The following AK1 variants were observed in gnomAD, a reference collection of about 807,000 sequenced individuals.
AK1 encodes the protein adenylate kinase isoenzyme 1.
Under a neutral mutation model 23.9 loss-of-function variants are expected in AK1, and 13 were observed. The ratio of observed to expected loss-of-function variants is 0.54; its 90% CI spans 0.35 to 0.86. AK1 has a LOEUF of 0.86. AK1 is among the 40% of genes least tolerant of loss of function. AK1 has a pLI of 0.01. For missense variants in AK1, 214 were observed against 255.1 expected (o/e 0.84, Z 1.10); for synonymous variants, 97 against 102.8 (o/e 0.94, Z 0.34).
intron 3 of AK1, 75 bp downstream of exon 3, chr9:127,872,951 G>T: frequency 6.2e-7 from 1 of 1,613,266 alleles, no homozygotes; most frequent in Non-Finnish European, 8.5e-7. Context: ...AGAGCCCAGG[G>T]TGCAGCCCCA....
In AK1 at chr9:127,872,206, G is replaced by A. The variant is rs111270104; in HGVS notation, c.208-267C>T. 6.3e-3 allele frequency among the ~76,000 whole-genome samples: 963 copies of A among 152,312 alleles called. 6 individuals carry two copies. Among genetic ancestry groups the A allele is most frequent in the Non-Finnish European group, 0.01 (688 of 68,028 alleles). On this transcript the variant is annotated intron_variant, in intron 4 of 6. Coordinates refer to ENST00000644144, the MANE Select transcript of AK1 (RefSeq NM_000476.3). Reference sequence around the variant, plus strand: ...CCTGGGTCCCGAGGACACGGCCATGGACCAATTAGGCCTTCCCTGCCCTGG... The same window carrying A: ...CCTGGGTCCCGAGGACACGGCCATGAACCAATTAGGCCTTCCCTGCCCTGG...
At position 127,871,500 on chromosome 9, in the gene AK1, G is replaced by A. The variant is rs1564472601; in HGVS notation, c.324+323C>T. Among the ~76,000 whole-genome samples the A allele has an allele frequency of 6.6e-6, 1 of 151,558 alleles. No homozygotes were observed. Among genetic ancestry groups the A allele is most frequent in the Non-Finnish European group, 1.5e-5 (1 of 68,022 alleles). On this transcript the variant is annotated intron_variant, in intron 5 of 6. Coordinates refer to ENST00000644144, the MANE Select transcript of AK1 (RefSeq NM_000476.3). This position sits in a 1 kb window ranked among gnomAD's most constrained non-coding sequence, Gnocchi z 4.4. ...CCCCACACTGTCCCTTAAGGCAGCT[G>A]TGACCTGGTCCTCCCACTCCCTGCA... is the stretch of plus-strand genomic sequence containing the variant.
At position 127,868,814 on chromosome 9, in the gene AK1, T is replaced by C. The variant is rs1261389027; in HGVS notation, c.325-302A>G. Among the ~76,000 whole-genome samples the C allele has an allele frequency of 6.6e-6, 1 of 152,156 alleles. No homozygotes were observed. Among genetic ancestry groups the C allele is most frequent in the Non-Finnish European group, 1.5e-5 (1 of 68,020 alleles). Reference sequence around the variant, plus strand: ...CCATGCCAGACCTGTGCTCATGCTGTTCCCTCTGCTAGGAGCCCTCTCCCC... The same window carrying C: ...CCATGCCAGACCTGTGCTCATGCTGCTCCCTCTGCTAGGAGCCCTCTCCCC... On this transcript the variant is annotated intron_variant, in intron 5 of 6. Coordinates refer to ENST00000644144, the MANE Select transcript of AK1 (RefSeq NM_000476.3). This position sits in a 1 kb window ranked among gnomAD's most constrained non-coding sequence, Gnocchi z 4.1.
Position 127,868,558 on chromosome 9 carries a change from G to C in AK1, c.325-46C>G. 6.5e-7 allele frequency: 1 copy of C among 1,546,036 alleles called. No individual in the cohort carries two copies. Among genetic ancestry groups the C allele is most frequent in the African/African-American group, 1.4e-5 (1 of 73,084 alleles). On this transcript the variant is annotated intron_variant, in intron 5 of 6. Coordinates refer to ENST00000644144, the MANE Select transcript of AK1 (RefSeq NM_000476.3). The surrounding 1 kb of genome is among the most constrained non-coding windows in gnomAD (Gnocchi z 4.1). ...ACAGGGACCCCATTCCTGCCCCCTA[G>C]GGCCATCTCCTCCCCATCTTCCCAT...
At chr9:127,870,664 G>C (rs1186642618) in intron 5 of AK1, among the ~76,000 whole-genome samples, 1 of 152,184 alleles carries the variant, frequency 6.6e-6, no homozygotes, top group Non-Finnish European at 1.5e-5. Flanking sequence ...ATTTCAGATA[G>C]GGAAGGTGAG....
Position 127,873,223 on chromosome 9 carries a change from A to T in AK1, c.8-162T>A, listed in dbSNP as rs1218345242. Reference sequence around the variant, plus strand: ...AAGTCACAGCCCAGAGTCAGCAGGGATGTGAGTGAGCTCGGAGCCTGGGAG... The same window carrying T: ...AAGTCACAGCCCAGAGTCAGCAGGGTTGTGAGTGAGCTCGGAGCCTGGGAG... On this transcript the variant is annotated intron_variant, in intron 2 of 6. Transcript: ENST00000644144. 9.1e-6 allele frequency: 14 copies of T among 1,537,904 alleles called. No homozygotes were observed. The African/African-American group carries it at 1.9e-4, about 21-fold the overall frequency.
At chr9:127,877,878 GGCT>G (rs1162590760), upstream of AK1, 1 of 151,966 alleles carries the variant, frequency 6.6e-6, no homozygotes, top group African/African-American at 2.4e-5. The surrounding 1 kb of genome is among the most constrained non-coding windows in gnomAD (Gnocchi z 5.2). Context: ...ACCCCCAGGT[GGCT>G]GTGCCCACAC....
intron 1 of AK1, chr9:127,874,970 G>T (rs1321484577): frequency 2.8e-6 from 1 of 363,278 alleles, no homozygotes; most frequent in Admixed American, 3.7e-5. Flanking sequence ...CATAAACAGC[G>T]GCCACACAAC....
chr9:127,872,930 G>C (rs944598621), intron 3 of AK1, 77 bp from the exon 4 acceptor site: 50 of 1,612,944 alleles, frequency 3.1e-5, no homozygotes, highest in Non-Finnish European at 4.1e-5. Context: ...GTCTCCCAGA[G>C]AGGGAGGGGC....
At chr9:127,874,999 G>A (rs1276121787) in intron 1 of AK1, 12 of 286,336 alleles carry the variant, frequency 4.2e-5, no homozygotes, top group South Asian at 3.8e-5. Context: ...TGCTCCCCTC[G>A]AAACTCCCAG....
At position 127,872,726 on chromosome 9, in the gene AK1, CA is replaced by C. The variant is rs1829443462; in HGVS notation, c.170del (p.Leu57ArgfsTer35). 1 of 1,614,080 alleles carries C rather than the reference CA, an allele frequency of 6.2e-7. No individual in the cohort carries two copies. Among genetic ancestry groups the C allele is most frequent in the African/African-American group, 1.3e-5 (1 of 74,936 alleles). Reference sequence around the variant, plus strand: ...GCTGCCCCTTCTCCATGATTTCCGACAGCTTCTTGCCCCTGGCCGAGCCTGA... The same window carrying C: ...GCTGCCCCTTCTCCATGATTTCCGACGCTTCTTGCCCCTGGCCGAGCCTGA... Reference protein sequence around the residue: ...VSSGSARGKKLSEIMEKGQLV... With the variant: ...VSSGSARGKKXSEIMEKGQLV... On this transcript the variant is annotated frameshift_variant, in exon 4 of 7. Transcript: ENST00000644144. LOFTEE classifies it high-confidence loss of function.
chr9:127,876,434 G>A (rs540265580), intron 1 of AK1, among the ~76,000 whole-genome samples: 5 of 152,202 alleles, frequency 3.3e-5, no homozygotes, highest in East Asian at 3.9e-4. Context: ...GGTCCAACTC[G>A]GCCCTGAGTT....
chr9:127,871,780 C>T lies in AK1; in HGVS notation c.324+43G>A. 1.3e-6 allele frequency: 2 copies of T among 1,564,884 alleles called. No homozygotes were observed. Among genetic ancestry groups the T allele is most frequent in the East Asian group, 2.2e-5 (1 of 44,640 alleles). On this transcript the variant is annotated intron_variant, in intron 5 of 6. Transcript: ENST00000644144. This position sits in a 1 kb window ranked among gnomAD's most constrained non-coding sequence, Gnocchi z 4.4. ...CGCCCATGGGGATGGGAGTCTTATC[C>T]TGCCCCAGCCCACCAGGATCCCCAC...
chr9:127,873,042 C>A lies in AK1; in HGVS notation c.27G>T (p.Lys9Asn), dbSNP rs1402544273. Reference protein sequence around the residue: MEEKLKKTKIIFVVGGPGS... With the variant: MEEKLKKTNIIFVVGGPGS... ...GCAACTCACCCACCACAAAGATGAT[C>A]TTGGTTTTCTTCAGCTTCTCTGCGG... Residue 9 changes from lysine to asparagine, a missense_variant, in exon 3 of 7, where the codon AAG becomes AAT. Transcript: ENST00000644144. The A allele has an allele frequency of 6.2e-7, 1 of 1,614,108 alleles. No homozygotes were observed. Among genetic ancestry groups the A allele is most frequent in the East Asian group, 2.2e-5 (1 of 44,876 alleles).
upstream of AK1, chr9:127,879,402 A>T (rs999171237): frequency 6.6e-6 from 1 of 152,044 alleles, no homozygotes; most frequent in Admixed American, 6.6e-5. Context: ...AGGCGGGTAG[A>T]TCACCTGAGG....
chr9:127,876,557 G>A (rs1418664493), intron 1 of AK1, among the ~76,000 whole-genome samples: 1 of 152,210 alleles, frequency 6.6e-6, no homozygotes, highest in Non-Finnish European at 1.5e-5. Context: ...TTCAGCGGGG[G>A]TAGGAGCTGC....
At chr9:127,873,678 C>T in intron 2 of AK1, 1 of 1,366,528 alleles carries the variant, frequency 7.3e-7, no homozygotes, top group Non-Finnish European at 9.4e-7. Context: ...TAGATCCCAG[C>T]AAGGCCACAG....
At chr9:127,876,350 T>A (rs2131414909) in intron 1 of AK1, among the ~76,000 whole-genome samples, 1 of 152,302 alleles carries the variant, frequency 6.6e-6, no homozygotes, top group Non-Finnish European at 1.5e-5. Flanking sequence ...GGGAGCCTCG[T>A]TCCATCCTCA....
intron 3 of AK1, 24 bp downstream of exon 3, chr9:127,873,002 A>G (rs912825351): frequency 6.2e-7 from 1 of 1,613,784 alleles, no homozygotes; most frequent in Non-Finnish European, 8.5e-7. Flanking sequence ...CCCTTGCTGC[A>G]CCACCCGCCT....
Sources: gnomAD v4.1 joint callset for allele counts (sites outside exome capture counted in the v4.1 genomes callset) on GRCh38, gnomAD v4.1.1 for gene constraint, Gnocchi (gnomAD v3.1) non-coding constraint, MANE v1.5 for transcripts, NCBI Gene and HGNC (gene_info 2026-07-23, HGNC 2026-07-21) for gene names.